Variants in ZNF516 observed in about 807,000 individuals in gnomAD.
ZNF516 encodes zinc finger protein 516.
In ZNF516, 19 loss-of-function variants were observed where a neutral mutation model predicts 79.7. The observed-to-expected ratio is 0.24, with a 90% CI of 0.17 to 0.35. The LOEUF (loss-of-function observed/expected upper bound fraction) is 0.35, where lower values mean the gene tolerates loss of function less well. Ranked by LOEUF, ZNF516 falls within the 10% of genes least tolerant of loss-of-function variation. ZNF516 has a pLI of 1.00. For synonymous variants in ZNF516, 877 were observed against 739.5 expected, an observed-to-expected ratio of 1.19 and a Z score of -3.02; for missense variants, 1,678 against 1,679.5, an observed-to-expected ratio of 1.00 and a Z score of 0.02.
At position 76,358,426 on chromosome 18, in the gene ZNF516, T is replaced by C. The variant is rs2074486169; in HGVS notation, c.*4072A>G. The C allele has an allele frequency of 6.6e-6, 1 of 152,242 alleles. No homozygotes were observed. Among genetic ancestry groups the C allele is most frequent in the South Asian group, 2.1e-4 (1 of 4,836 alleles). The allele number at this position is 152,242 out of a possible 1,614,324, so 9.4% of individuals were successfully genotyped here. A position where few individuals can be genotyped will look rare whatever the true frequency, so the allele number is the denominator to read the frequency against. The stretch of plus-strand genomic sequence containing the variant: ...GCATTTTACTGCCTCAAAGCAGAAT[T>C]AGCAAAGCTGATGAAGAATGAACAT... On this transcript the variant is annotated 3_prime_UTR_variant, in exon 7 of 7. Coordinates refer to ENST00000443185, the MANE Select transcript of ZNF516 (RefSeq NM_014643.4).
chr18:76,437,791 T>C (rs1408003365), intron 3 of ZNF516, among the ~76,000 whole-genome samples: 1 of 152,222 alleles, frequency 6.6e-6, no homozygotes, highest in African/African-American at 2.4e-5. Context: ...AGCCTGTATA[T>C]GTTCAGTACA....
chr18:76,412,694 C>A (rs1482896903), intron 3 of ZNF516, among the ~76,000 whole-genome samples: 1 of 152,214 alleles, frequency 6.6e-6, no homozygotes, highest in Non-Finnish European at 1.5e-5. Flanking sequence ...AGATGTGGCC[C>A]CACGTGACAA....
chr18:76,425,487 C>T (rs142726522), intron 3 of ZNF516, among the ~76,000 whole-genome samples: 26 of 152,340 alleles, frequency 1.7e-4, no homozygotes, highest in East Asian at 9.6e-4. Context: ...GATACACTCA[C>T]ACACTGTGCG....
At chr18:76,440,769 C>CGG (rs1491467768) in intron 3 of ZNF516, among the ~76,000 whole-genome samples, 5 of 90,782 alleles carry the variant, frequency 5.5e-5, no homozygotes, top group Non-Finnish European at 1.3e-4. Flanking sequence ...TGTGCGCGCA[C>CGG]GCGCGCATGC....
In ZNF516 at chr18:76,360,646, A is replaced by AAAAAAAATATAT. The variant is rs373540251; in HGVS notation, c.*1851_*1852insATATATTTTTTT. On this transcript the variant is annotated 3_prime_UTR_variant, in exon 7 of 7. Transcript: ENST00000443185. ...AAAAAAATAAGTAAAAAAAAAAAAAAATATATATATATATATATATATATA... is the reference window on the plus strand; with the variant it reads ...AAAAAAATAAGTAAAAAAAAAAAAAAAAAAAAATATATATATATATATATATATATATATATA... 22 of 72,456 alleles carry AAAAAAAATATAT rather than the reference A, an allele frequency of 3.0e-4. No homozygotes were observed. The highest frequency in any genetic ancestry group is 4.9e-4 in the African/African-American group (8 of 16,376). 4.5% of individuals were successfully genotyped at this position (72,456 alleles called of 1,614,324 possible).
At chr18:76,377,964 C>T (rs2074814775) in intron 4 of ZNF516, 2 of 152,168 alleles carry the variant, frequency 1.3e-5, no homozygotes, top group African/African-American at 4.8e-5. Context: ...GATCCGCCCA[C>T]CTCGGCCTCC....
chr18:76,439,781 T>C (rs1355462059), intron 3 of ZNF516, among the ~76,000 whole-genome samples: 1 of 152,054 alleles, frequency 6.6e-6, no homozygotes, highest in Non-Finnish European at 1.5e-5. Context: ...CCCATAGTCC[T>C]AGCCCAATAT....
At chr18:76,417,771 T>C (rs891361110) in intron 3 of ZNF516, among the ~76,000 whole-genome samples, 1 of 152,208 alleles carries the variant, frequency 6.6e-6, no homozygotes, top group African/African-American at 2.4e-5. Context: ...ACGACTACCA[T>C]TGAGTTTCTG....
At chr18:76,383,637 C>A (rs1380794581) in intron 3 of ZNF516, among the ~76,000 whole-genome samples, 1 of 152,078 alleles carries the variant, frequency 6.6e-6, no homozygotes, top group Non-Finnish European at 1.5e-5. Flanking sequence ...CCCCACCAGG[C>A]ACCTTCTCAG....
At chr18:76,440,761 T>TGTGTGTGTGTGTGTGTGCGCGC (rs571461431) in intron 3 of ZNF516, among the ~76,000 whole-genome samples, 11 of 150,144 alleles carry the variant, frequency 7.3e-5, no homozygotes, top group African/African-American at 2.5e-4. Flanking sequence ...TGTGTGTGTG[T>TGTGTGTGTGTGTGTGTGCGCGC]GCGCGCACGC....
chr18:76,403,337 C>T (rs1266538559), intron 3 of ZNF516, among the ~76,000 whole-genome samples: 2 of 152,186 alleles, frequency 1.3e-5, no homozygotes, highest in African/African-American at 4.8e-5. Flanking sequence ...CACACAGGCA[C>T]GCTGCAACGC....
chr18:76,415,981 T>C (rs1021445135), intron 3 of ZNF516, among the ~76,000 whole-genome samples: 3 of 152,232 alleles, frequency 2.0e-5, no homozygotes, highest in Admixed American at 2.0e-4. Context: ...GCAACTGTTT[T>C]CAATAGCTGG....
chr18:76,415,540 T>C (rs1343856920), intron 3 of ZNF516, among the ~76,000 whole-genome samples: 1 of 152,092 alleles, frequency 6.6e-6, no homozygotes, highest in Non-Finnish European at 1.5e-5. Context: ...GCGGTGGCCA[T>C]GCAGAACCTG....
At chr18:76,371,964 G>A (rs1008373146) in intron 4 of ZNF516, among the ~76,000 whole-genome samples, 37 of 152,340 alleles carry the variant, frequency 2.4e-4, no homozygotes, top group African/African-American at 8.4e-4. Context: ...TGGAAAATAG[G>A]AAGTGAGCGG....
chr18:76,435,549 C>T (rs894890807), intron 3 of ZNF516, among the ~76,000 whole-genome samples: 11 of 152,218 alleles, frequency 7.2e-5, no homozygotes, highest in Admixed American at 7.2e-4. Flanking sequence ...GCTCCGGTTG[C>T]TAAGATGCTG....
chr18:76,436,929 G>A (rs1024562944), intron 3 of ZNF516, among the ~76,000 whole-genome samples: 3 of 152,080 alleles, frequency 2.0e-5, no homozygotes, highest in Admixed American at 6.5e-5. Flanking sequence ...AATTAGCCAC[G>A]TGTGGTGACC....
intron 3 of ZNF516, among the ~76,000 whole-genome samples, chr18:76,438,521 C>T (rs914936665): frequency 5.9e-5 from 9 of 152,192 alleles, no homozygotes; most frequent in African/African-American, 2.2e-4. Context: ...GTAACATATT[C>T]CCAATGACTG....
intron 2 of ZNF516, among the ~76,000 whole-genome samples, chr18:76,460,501 A>T (rs543031911): frequency 6.6e-6 from 1 of 152,298 alleles, no homozygotes; most frequent in South Asian, 2.1e-4. Context: ...TGTGGCCATC[A>T]CCTATGAACC....
chr18:76,418,548 G>A (rs2075466522), intron 3 of ZNF516, among the ~76,000 whole-genome samples: 1 of 151,822 alleles, frequency 6.6e-6, no homozygotes. Flanking sequence ...CACACACTAT[G>A]ACACGCACTG....
Sources: allele counts gnomAD v4.1 joint callset (sites outside exome capture counted in the v4.1 genomes callset), GRCh38; gene constraint gnomAD v4.1.1; transcripts MANE v1.5; gene names NCBI Gene and HGNC (gene_info 2026-07-23, HGNC 2026-07-21).